The following CRYZL1 variants were observed in gnomAD, a reference collection of about 807,000 sequenced individuals.
The protein encoded by CRYZL1 is crystallin zeta like 1, also known as ferry endosomal RAB5 effector complex subunit 4.
Under a neutral mutation model 50.6 loss-of-function variants are expected in CRYZL1, and 34 were observed. The observed-to-expected ratio is 0.67, with a 90% CI of 0.51 to 0.89. The LOEUF is 0.89. Ranked by LOEUF, CRYZL1 falls within the 40% of genes least tolerant of loss-of-function variation. The pLI, the probability that CRYZL1 is intolerant of heterozygous loss-of-function variation, is 0.00. For synonymous variants in CRYZL1, 125 were observed against 134.3 expected, an observed-to-expected ratio of 0.93 and a Z score of 0.48; for missense variants, 354 against 402.3, an observed-to-expected ratio of 0.88 and a Z score of 1.03.
chr21:33,619,564 TTTTC>T (rs200318385), intron 4 of CRYZL1, among the ~76,000 whole-genome samples: 2,315 of 152,246 alleles, frequency 0.015, 56 homozygotes, highest in African/African-American at 0.053. Context: ...TTTTTTTTCT[TTTTC>T]TTTTTTTTCT....
At chr21:33,604,662 G>A (rs2086792789) in intron 6 of CRYZL1, among the ~76,000 whole-genome samples, 1 of 152,084 alleles carries the variant, frequency 6.6e-6, no homozygotes, top group South Asian at 2.1e-4. Flanking sequence ...TTCTGTGGAT[G>A]AGGCTGTTAG....
At chr21:33,625,305 G>A (rs1370039456) in intron 2 of CRYZL1, among the ~76,000 whole-genome samples, 2 of 151,568 alleles carry the variant, frequency 1.3e-5, no homozygotes, top group East Asian at 1.9e-4. Flanking sequence ...ACAGGCACCC[G>A]CCACCATGCC....
chr21:33,633,829 A>G (rs2087169107), intron 1 of CRYZL1: 1 of 152,218 alleles, frequency 6.6e-6, no homozygotes, highest in Admixed American at 6.5e-5. Context: ...AATTATTAGA[A>G]TTTCAAGATA....
chr21:33,609,042 C>G (rs1187340934), intron 6 of CRYZL1, among the ~76,000 whole-genome samples: 1 of 152,214 alleles, frequency 6.6e-6, no homozygotes, highest in Non-Finnish European at 1.5e-5. Context: ...AACAGCTATT[C>G]TGACAGGTAT....
At chr21:33,608,232 G>T (rs1435778424) in intron 6 of CRYZL1, among the ~76,000 whole-genome samples, 1 of 152,096 alleles carries the variant, frequency 6.6e-6, no homozygotes, top group Non-Finnish European at 1.5e-5. Context: ...AGGTGGGCAG[G>T]TCACCTGAGG....
At chr21:33,635,107 G>A (rs1358857075) in intron 1 of CRYZL1, among the ~76,000 whole-genome samples, 3 of 151,738 alleles carry the variant, frequency 2.0e-5, no homozygotes, top group Non-Finnish European at 4.4e-5. Flanking sequence ...GGAAATATTT[G>A]TCTTGAAAGC....
intron 6 of CRYZL1, among the ~76,000 whole-genome samples, chr21:33,605,380 C>A (rs1307044743): frequency 1.3e-5 from 2 of 151,974 alleles, no homozygotes; most frequent in African/African-American, 2.4e-5. Flanking sequence ...TGGCTTTACA[C>A]TGTACTTGGA....
intron 2 of CRYZL1, among the ~76,000 whole-genome samples, chr21:33,628,436 A>G (rs2087095114): frequency 6.6e-6 from 1 of 152,138 alleles, no homozygotes; most frequent in Admixed American, 6.5e-5. Context: ...AATTCTTCCA[A>G]TTAATGAACA....
Position 33,589,583 on chromosome 21 carries a change from A to T in CRYZL1, c.*239T>A. 2.0e-6 allele frequency: 1 copy of T among 509,332 alleles called. No homozygotes were observed. Among genetic ancestry groups the T allele is most frequent in the Non-Finnish European group, 3.5e-6 (1 of 287,484 alleles). The allele number at this position is 509,332 out of a possible 1,614,324, so 31.6% of individuals were successfully genotyped here. On this transcript the variant is annotated 3_prime_UTR_variant, in exon 13 of 13. Coordinates refer to ENST00000381554, the MANE Select transcript of CRYZL1 (RefSeq NM_145858.3). ...GGGGCAAAATATATAGAAACAATGAAAAGGTTTTTAGAAAAATTCCCTTAA... is the reference window on the plus strand; with the variant it reads ...GGGGCAAAATATATAGAAACAATGATAAGGTTTTTAGAAAAATTCCCTTAA...
At chr21:33,620,175 A>G (rs938661483) in intron 4 of CRYZL1, among the ~76,000 whole-genome samples, 2 of 152,238 alleles carry the variant, frequency 1.3e-5, no homozygotes, top group African/African-American at 4.8e-5. Flanking sequence ...TATCAAATCT[A>G]TTCTACGTTA....
intron 8 of CRYZL1, among the ~76,000 whole-genome samples, chr21:33,601,521 T>C (rs2086756423): frequency 6.6e-6 from 1 of 152,160 alleles, no homozygotes; most frequent in Admixed American, 6.5e-5. Flanking sequence ...AAAGTTCACC[T>C]AATTCAAAAT....
At chr21:33,617,953 G>C (rs1032968862) in intron 4 of CRYZL1, among the ~76,000 whole-genome samples, 1 of 152,038 alleles carries the variant, frequency 6.6e-6, no homozygotes, top group African/African-American at 2.4e-5. Flanking sequence ...ACTTTGATTT[G>C]GGAAATAAAT....
At chr21:33,618,955 C>G (rs1026455421) in intron 4 of CRYZL1, among the ~76,000 whole-genome samples, 3 of 152,132 alleles carry the variant, frequency 2.0e-5, no homozygotes, top group Admixed American at 6.6e-5. Context: ...CAAATACAAC[C>G]TACATGCTGA....
intron 3 of CRYZL1, among the ~76,000 whole-genome samples, chr21:33,623,508 A>C (rs2087025754): frequency 6.6e-6 from 1 of 152,184 alleles, no homozygotes; most frequent in African/African-American, 2.4e-5. Context: ...TTTAATAAAA[A>C]CATCTGAAAA....
intron 1 of CRYZL1, among the ~76,000 whole-genome samples, chr21:33,635,989 T>TC (rs2087202552): frequency 6.6e-6 from 1 of 151,800 alleles, no homozygotes; most frequent in South Asian, 2.1e-4. Flanking sequence ...CAAAAATAAA[T>TC]AAATGAACAA....
chr21:33,605,016 A>G (rs553246467), intron 6 of CRYZL1, among the ~76,000 whole-genome samples: 37 of 152,254 alleles, frequency 2.4e-4, no homozygotes, highest in African/African-American at 8.4e-4. Context: ...ATTTTTACCA[A>G]TTATGTAGGT....
At chr21:33,613,643 C>A (rs78700104) in intron 5 of CRYZL1, 37 bp from the exon 6 acceptor site, 37,482 of 1,439,926 alleles carry the variant, frequency 0.026, 572 homozygotes, top group Non-Finnish European at 0.029. Flanking sequence ...GGATGTAAGT[C>A]AAAAATTCAT....
At chr21:33,593,245 T>C (rs1444600968) in intron 11 of CRYZL1, among the ~76,000 whole-genome samples, 1 of 151,818 alleles carries the variant, frequency 6.6e-6, no homozygotes, top group East Asian at 2.0e-4. Flanking sequence ...TAGCTGGGAC[T>C]ACAGGTGCCC....
chr21:33,590,175 G>A (rs1276998681), intron 12 of CRYZL1, among the ~76,000 whole-genome samples: 1 of 151,970 alleles, frequency 6.6e-6, no homozygotes. Context: ...GCACCATCAA[G>A]CCTGGCTAAT....
Sources: gnomAD v4.1 joint callset for allele counts (sites outside exome capture counted in the v4.1 genomes callset) on GRCh38, gnomAD v4.1.1 for gene constraint, MANE v1.5 for transcripts, NCBI Gene and HGNC (gene_info 2026-07-23, HGNC 2026-07-21) for gene names.